Variants in PPP6R3 observed in about 807,000 individuals in gnomAD.
PPP6R3 encodes the protein protein phosphatase 6 regulatory subunit 3.
A neutral mutation model predicts 110.7 loss-of-function variants in PPP6R3; 38 were observed. The ratio of observed to expected loss-of-function variants is 0.34; its 90% CI spans 0.26 to 0.45. The LOEUF is 0.45. PPP6R3 is among the 20% of genes least tolerant of loss of function. PPP6R3 has a pLI of 1.00. For missense variants in PPP6R3, 870 were observed against 1,062.4 expected, an observed-to-expected ratio of 0.82 and a Z score of 2.52; for synonymous variants, 369 against 373.5, an observed-to-expected ratio of 0.99 and a Z score of 0.14.
At chr11:68,573,980 T>C (rs182414449) in intron 12 of PPP6R3, 129 bp from the exon 13 acceptor site, 18 of 624,234 alleles carry the variant, frequency 2.9e-5, no homozygotes, top group Admixed American at 2.5e-4. Flanking sequence ...TTTTCTTTTC[T>C]GTCCATCGTC....
At chr11:68,502,094 G>C (rs1160165775) in intron 1 of PPP6R3, among the ~76,000 whole-genome samples, 1 of 152,158 alleles carries the variant, frequency 6.6e-6, no homozygotes, top group Non-Finnish European at 1.5e-5. Context: ...ACATGGTGCT[G>C]GTACCCTCAT....
intron 4 of PPP6R3, among the ~76,000 whole-genome samples, chr11:68,547,532 C>A (rs1592924913): frequency 6.6e-6 from 1 of 152,194 alleles, no homozygotes; most frequent in Non-Finnish European, 1.5e-5. Context: ...CCTTCTTGTG[C>A]TAAGCTATTG....
chr11:68,486,478 G>A lies in PPP6R3; in HGVS notation c.-158+25651G>A, dbSNP rs562440044. Among the ~76,000 whole-genome samples, 143 of 151,892 alleles carry A rather than the reference G, an allele frequency of 9.4e-4. 5 individuals are homozygous for A. The South Asian group carries it at 0.027, about 29-fold the overall frequency. ...AAATTAGCTGGGTGTGGTGGCGGGC[G>A]CCTGTAGTCCCAGCTACTTGGGAGG... is the stretch of plus-strand genomic sequence containing the variant. On this transcript the variant is annotated intron_variant, in intron 1 of 23. Coordinates refer to ENST00000393800, the MANE Select transcript of PPP6R3 (RefSeq NM_001164161.2).
chr11:68,570,807 C>G (rs536035294), intron 11 of PPP6R3, among the ~76,000 whole-genome samples: 187 of 152,252 alleles, frequency 1.2e-3, no homozygotes, highest in Middle Eastern at 3.4e-3. Context: ...AACTGCACTA[C>G]CTATAATACT....
chr11:68,586,772 A>T (rs1001977438), intron 15 of PPP6R3: 1 of 152,262 alleles, frequency 6.6e-6, no homozygotes, highest in African/African-American at 2.4e-5. Flanking sequence ...TGCCACCAGA[A>T]TGAGTAATCA....
At chr11:68,516,471 T>C (rs569788444) in intron 1 of PPP6R3, among the ~76,000 whole-genome samples, 34 of 152,240 alleles carry the variant, frequency 2.2e-4, no homozygotes, top group African/African-American at 8.0e-4. Flanking sequence ...TCCCAAGATA[T>C]CTCATTATGT....
At chr11:68,474,677 C>A (rs992067775) in intron 1 of PPP6R3, among the ~76,000 whole-genome samples, 2 of 152,054 alleles carry the variant, frequency 1.3e-5, no homozygotes, top group African/African-American at 4.8e-5. Flanking sequence ...GCTGGTAAGA[C>A]CATTGGGGCC....
At chr11:68,551,394 A>G (rs937247121) in intron 6 of PPP6R3, among the ~76,000 whole-genome samples, 1 of 152,216 alleles carries the variant, frequency 6.6e-6, no homozygotes, top group Non-Finnish European at 1.5e-5. Flanking sequence ...GTACAACAGC[A>G]GGCCCTTGTT....
intron 10 of PPP6R3, among the ~76,000 whole-genome samples, chr11:68,567,539 A>G (rs960219893): frequency 1.3e-5 from 2 of 152,182 alleles, no homozygotes; most frequent in African/African-American, 4.8e-5. Context: ...TGTATAACGT[A>G]CCTGACGCCA....
At chr11:68,583,653 T>C (rs187425637) in intron 15 of PPP6R3, among the ~76,000 whole-genome samples, 3 of 152,354 alleles carry the variant, frequency 2.0e-5, no homozygotes, top group Admixed American at 6.5e-5. Flanking sequence ...CACCTGCTTA[T>C]AATCTTTGTG....
At position 68,614,451 on chromosome 11, in the gene PPP6R3, T is replaced by G. The variant is rs763418405; in HGVS notation, c.*1334T>G. 25 of 1,354,502 alleles carry G rather than the reference T, an allele frequency of 1.8e-5. No homozygotes were observed. The highest frequency in any genetic ancestry group is 2.1e-5 in the Non-Finnish European group (22 of 1,057,574). The allele number at this position is 1,354,502 out of a possible 1,614,324, so 83.9% of individuals were successfully genotyped here. A position where few individuals can be genotyped will look rare whatever the true frequency, so the allele number is the denominator to read the frequency against. ...CTGTAATAGAAAATTATTCACGTAT[T>G]TTTACATCATTTGTTTTTCCTGACC... On this transcript the variant is annotated 3_prime_UTR_variant, in exon 24 of 24. Coordinates refer to ENST00000393800, the MANE Select transcript of PPP6R3 (RefSeq NM_001164161.2).
intron 2 of PPP6R3, among the ~76,000 whole-genome samples, chr11:68,526,966 T>C (rs200062871): frequency 6.6e-6 from 1 of 152,222 alleles, no homozygotes; most frequent in East Asian, 1.9e-4. Context: ...AAAAGTGAAG[T>C]GAATGATAAG....
intron 1 of PPP6R3, among the ~76,000 whole-genome samples, chr11:68,518,944 T>C (rs560441968): frequency 3.7e-4 from 56 of 152,338 alleles, no homozygotes; most frequent in African/African-American, 1.3e-3. Context: ...TTAAGCTATA[T>C]ATGAAGTGCA....
At chr11:68,521,231 A>T (rs1565577401) in intron 2 of PPP6R3, among the ~76,000 whole-genome samples, 1 of 151,924 alleles carries the variant, frequency 6.6e-6, no homozygotes, top group East Asian at 1.9e-4. Context: ...TTTTAGGATT[A>T]TTTTTTTCTC....
chr11:68,585,664 G>A (rs2099575906), intron 15 of PPP6R3, among the ~76,000 whole-genome samples: 1 of 152,180 alleles, frequency 6.6e-6, no homozygotes, highest in East Asian at 1.9e-4. Context: ...GAAATGTGAA[G>A]TTCTTTGCTA....
chr11:68,464,459 A>T (rs1565184112), intron 1 of PPP6R3, among the ~76,000 whole-genome samples: 1 of 152,120 alleles, frequency 6.6e-6, no homozygotes. Context: ...AGCTTCTCAG[A>T]CAATACTGAA....
intron 18 of PPP6R3, among the ~76,000 whole-genome samples, chr11:68,595,154 C>T (rs1183538671): frequency 7.2e-6 from 1 of 139,736 alleles, no homozygotes; most frequent in African/African-American, 2.6e-5. Context: ...TTGAGTTAGA[C>T]AAAGATTTCT....
At chr11:68,529,453 A>ATGATCCACCCACCTCAGC (rs1312566993) in intron 2 of PPP6R3, among the ~76,000 whole-genome samples, 1 of 152,122 alleles carries the variant, frequency 6.6e-6, no homozygotes, top group Admixed American at 6.5e-5. Context: ...TCCTGACCTC[A>ATGATCCACCCACCTCAGC]TGATCCACCC....
intron 1 of PPP6R3, among the ~76,000 whole-genome samples, chr11:68,485,077 A>G (rs977921284): frequency 6.6e-6 from 1 of 151,950 alleles, no homozygotes; most frequent in Admixed American, 6.6e-5. Context: ...AGAGTTTTAT[A>G]GTTTTCCTTA....
Sources: allele counts gnomAD v4.1 joint callset (sites outside exome capture counted in the v4.1 genomes callset), GRCh38; gene constraint gnomAD v4.1.1; transcripts MANE v1.5; gene names NCBI Gene and HGNC (gene_info 2026-07-23, HGNC 2026-07-21).